Variants in PIEZO2 observed in about 807,000 individuals in gnomAD.
The protein encoded by PIEZO2 is piezo-type mechanosensitive ion channel component 2.
PIEZO2 carries 172 observed loss-of-function variants against 337.3 expected under a neutral mutation model. That is an observed-to-expected ratio of 0.51 (90% CI 0.45 to 0.58). The LOEUF (loss-of-function observed/expected upper bound fraction) is 0.58, where lower values mean the gene tolerates loss of function less well. Among genes scored for constraint, PIEZO2 ranks in the 20% least tolerant of loss-of-function variants. PIEZO2 has a pLI of 0.00. For missense variants in PIEZO2, 3,028 were observed against 3,391.3 expected (o/e 0.89, Z 2.66); for synonymous variants, 1,251 against 1,228.5 (o/e 1.02, Z -0.38).
In PIEZO2 at chr18:10,937,734, C is replaced by A. The variant is rs180978401; in HGVS notation, c.287-26506G>T. ...CTTCCAAGCGCCTAATCCTCCAGTG[C>A]CACTTCTGGTCTCTCCTAAGCAATC... On this transcript the variant is annotated intron_variant, in intron 3 of 55. Coordinates refer to ENST00000674853, the MANE Select transcript of PIEZO2 (RefSeq NM_001378183.1). Among the ~76,000 whole-genome samples the A allele has an allele frequency of 7.2e-5, 11 of 152,336 alleles. No individual in the cohort carries two copies. The East Asian group carries it at 1.5e-3, about 21-fold the overall frequency.
intron 3 of PIEZO2, among the ~76,000 whole-genome samples, chr18:10,925,463 T>C (rs922438180): frequency 2.6e-5 from 4 of 152,258 alleles, no homozygotes; most frequent in African/African-American, 9.6e-5. Flanking sequence ...ACGGATCTTG[T>C]GGCATACTGA....
At position 10,677,016 on chromosome 18, in the gene PIEZO2, A is replaced by T. The variant is rs1468491184; in HGVS notation, c.8081+731T>A. Among the ~76,000 whole-genome samples, 3 of 152,202 alleles carry T rather than the reference A, an allele frequency of 2.0e-5. No individual in the cohort carries two copies. The highest frequency in any genetic ancestry group is 7.2e-5 in the African/African-American group (3 of 41,454). On this transcript the variant is annotated intron_variant, in intron 53 of 55. Coordinates refer to ENST00000674853, the MANE Select transcript of PIEZO2 (RefSeq NM_001378183.1). This position sits in a 1 kb window ranked among gnomAD's most constrained non-coding sequence, Gnocchi z 4.1. The stretch of plus-strand genomic sequence containing the variant: ...CAGAGCTCCCACACCTCCAAATCGC[A>T]TGAGAATCAGCATGATGATTTCTAG...
At chr18:10,793,038 G>A (rs1490088283) in intron 13 of PIEZO2, among the ~76,000 whole-genome samples, 1 of 152,192 alleles carries the variant, frequency 6.6e-6, no homozygotes, top group Non-Finnish European at 1.5e-5. Context: ...GGTGGATCAT[G>A]AGATCAGGAG....
chr18:10,785,094 CA>C, intron 16 of PIEZO2, 137 bp from the exon 17 acceptor site: 4 of 919,270 alleles, frequency 4.4e-6, no homozygotes, highest in South Asian at 2.7e-5. Flanking sequence ...CCATATGGTC[CA>C]ATATGGCTTT....
chr18:10,801,584 T>A (rs1293272294), intron 9 of PIEZO2, among the ~76,000 whole-genome samples, 156 bp from the exon 10 acceptor site: 2 of 152,130 alleles, frequency 1.3e-5, no homozygotes, highest in African/African-American at 4.8e-5. Context: ...AAAGGACAAA[T>A]AAATGAGCTG....
At chr18:11,139,231 C>A (rs2040573146) in intron 1 of PIEZO2, among the ~76,000 whole-genome samples, 1 of 152,170 alleles carries the variant, frequency 6.6e-6, no homozygotes. Context: ...TCAATCTGAA[C>A]AAGGTCACAC....
At chr18:10,797,996 C>T (rs966648360) in intron 11 of PIEZO2, among the ~76,000 whole-genome samples, 19 of 152,262 alleles carry the variant, frequency 1.2e-4, no homozygotes, top group Non-Finnish European at 2.4e-4. Flanking sequence ...AGCCAGCTAC[C>T]ATGCTGTAAA....
Position 11,148,705 on chromosome 18 carries a change from G to C in PIEZO2, c.-117C>G, listed in dbSNP as rs997588972. The C allele has an allele frequency of 8.9e-7, 1 of 1,127,218 alleles. No individual in the cohort carries two copies. Among genetic ancestry groups the C allele is most frequent in the Non-Finnish European group, 1.3e-6 (1 of 790,434 alleles). 69.8% of individuals were successfully genotyped at this position (1,127,218 alleles called of 1,614,324 possible). On this transcript the variant is annotated 5_prime_UTR_variant, in exon 1 of 56. Coordinates refer to ENST00000674853, the MANE Select transcript of PIEZO2 (RefSeq NM_001378183.1). The surrounding 1 kb of genome is among the most constrained non-coding windows in gnomAD (Gnocchi z 5.2). Reference sequence around the variant, plus strand: ...CGCCGCCGGCAGCTCGCAGCCACCCGAGCATCGCCTCGGCGCGGGCCGCGA... The same window carrying C: ...CGCCGCCGGCAGCTCGCAGCCACCCCAGCATCGCCTCGGCGCGGGCCGCGA...
At chr18:10,914,196 A>T (rs191365086) in intron 3 of PIEZO2, among the ~76,000 whole-genome samples, 43 of 152,346 alleles carry the variant, frequency 2.8e-4, no homozygotes, top group African/African-American at 1.0e-3. Context: ...AGAAAACAAA[A>T]GTAGCTGGCA....
At chr18:10,786,086 C>T (rs2039212553) in intron 16 of PIEZO2, among the ~76,000 whole-genome samples, 1 of 152,186 alleles carries the variant, frequency 6.6e-6, no homozygotes, top group Admixed American at 6.5e-5. Context: ...ACACACTTTT[C>T]CTAAGACAAG....
Position 10,877,678 on chromosome 18 carries a change from C to T in PIEZO2, c.330-6263G>A, listed in dbSNP as rs1291228314. Among the ~76,000 whole-genome samples, 8 of 152,216 alleles carry T rather than the reference C, an allele frequency of 5.3e-5. No homozygotes were observed. The highest frequency in any genetic ancestry group is 1.9e-4 in the East Asian group (1 of 5,178). On this transcript the variant is annotated intron_variant, in intron 4 of 55. Transcript: ENST00000674853. The surrounding 1 kb of genome is among the most constrained non-coding windows in gnomAD (Gnocchi z 5.3). Reference sequence around the variant, plus strand: ...ACAGCCCGGTCTGGCCTCTGGGTGACGGTAGCAGCATCCTGATGATTTCAT... The same window carrying T: ...ACAGCCCGGTCTGGCCTCTGGGTGATGGTAGCAGCATCCTGATGATTTCAT...
At chr18:10,891,330 T>C (rs781642878) in intron 4 of PIEZO2, among the ~76,000 whole-genome samples, 3 of 151,350 alleles carry the variant, frequency 2.0e-5, no homozygotes, top group Admixed American at 6.6e-5. Flanking sequence ...TAAAAAAAAA[T>C]AAAAGAAAGT....
In PIEZO2 at chr18:10,676,338, G is replaced by T. The variant is rs1697132565; in HGVS notation, c.8082-1050C>A. 6.6e-6 allele frequency among the ~76,000 whole-genome samples: 1 copy of T among 152,152 alleles called. No individual in the cohort carries two copies. Among genetic ancestry groups the T allele is most frequent in the South Asian group, 2.1e-4 (1 of 4,820 alleles). On this transcript the variant is annotated intron_variant, in intron 53 of 55. Coordinates refer to ENST00000674853, the MANE Select transcript of PIEZO2 (RefSeq NM_001378183.1). This position sits in a 1 kb window ranked among gnomAD's most constrained non-coding sequence, Gnocchi z 5.1. ...ATTACAATGGGGCCAGGGCAGTCTG[G>T]AGGACAAAACTGGGGCCATCACTGG...
chr18:11,059,243 G>C (rs1264944870), intron 2 of PIEZO2, among the ~76,000 whole-genome samples: 1 of 152,042 alleles, frequency 6.6e-6, no homozygotes, highest in African/African-American at 2.4e-5. Context: ...CCCTACAAGA[G>C]CTCCTGAAGG....
chr18:10,789,313 T>G lies in PIEZO2; in HGVS notation c.1935A>C (p.Glu645Asp). The part of the protein sequence containing the change: ...QVEGEPKEEE[E>D]EEAKEEKQER... ...CTTGCTTCTCTTCCTTCGCTTCCTC[T>G]TCTTCCTCCTCTTTGGGCTCTCCTT... The change falls in exon 15 of 56, where the codon GAA (glutamate) becomes GAC (aspartate). Residue 645 changes from glutamate to aspartate, a missense_variant. By Grantham distance (45) the Glu-to-Asp change is conservative. Transcript: ENST00000674853. 2.0e-6 allele frequency: 3 copies of G among 1,537,366 alleles called. No homozygotes were observed. The highest frequency in any genetic ancestry group is 2.6e-6 in the Non-Finnish European group (3 of 1,146,928).
At chr18:10,965,155 G>A (rs909018035) in intron 3 of PIEZO2, among the ~76,000 whole-genome samples, 2 of 152,070 alleles carry the variant, frequency 1.3e-5, no homozygotes, top group Non-Finnish European at 2.9e-5. Flanking sequence ...TTATGGCTGA[G>A]TGAAATTGTT....
chr18:11,075,799 T>A (rs1227248139), intron 1 of PIEZO2, among the ~76,000 whole-genome samples: 1 of 149,782 alleles, frequency 6.7e-6, no homozygotes, highest in Admixed American at 6.6e-5. Context: ...TTTTTTTTTT[T>A]TTTTTTTGAG....
chr18:10,894,621 C>G lies in PIEZO2; in HGVS notation c.329+16565G>C, dbSNP rs1020104970. On this transcript the variant is annotated intron_variant, in intron 4 of 55. Coordinates refer to ENST00000674853, the MANE Select transcript of PIEZO2 (RefSeq NM_001378183.1). This position sits in a 1 kb window ranked among gnomAD's most constrained non-coding sequence, Gnocchi z 4.1. ...AGCTGTGCATGTGGGCAGCCCACCC[C>G]AAAGGAAGAAGAATCAGGAAAGAAG... 6.6e-5 allele frequency: 10 copies of G among 152,202 alleles called. No individual in the cohort carries two copies. Among genetic ancestry groups the G allele is most frequent in the African/African-American group, 2.2e-4 (9 of 41,436 alleles). The allele number at this position is 152,202 out of a possible 1,614,324, so 9.4% of individuals were successfully genotyped here. A position where few individuals can be genotyped will look rare whatever the true frequency, so the allele number is the denominator to read the frequency against.
At chr18:10,919,542 C>T (rs1225445886) in intron 3 of PIEZO2, among the ~76,000 whole-genome samples, 1 of 152,070 alleles carries the variant, frequency 6.6e-6, no homozygotes, top group Non-Finnish European at 1.5e-5. Flanking sequence ...GCTGAAAAGA[C>T]CCTGCCACAC....
Sources: allele counts gnomAD v4.1 joint callset (sites outside exome capture counted in the v4.1 genomes callset), GRCh38; gene constraint gnomAD v4.1.1; non-coding constraint Gnocchi (gnomAD v3.1); transcripts MANE v1.5; gene names NCBI Gene and HGNC (gene_info 2026-07-23, HGNC 2026-07-21).